PPHLN1: variants seen among roughly 807,000 people sequenced by gnomAD.
The protein encoded by PPHLN1 is periphilin-1.
Under a neutral mutation model 51.3 loss-of-function variants are expected in PPHLN1, and 29 were observed. That is an observed-to-expected ratio of 0.57 (90% confidence interval 0.42 to 0.77). PPHLN1 has a LOEUF of 0.77. Among genes scored for constraint, PPHLN1 ranks in the 30% least tolerant of loss-of-function variants. The pLI is 0.00. For synonymous variants in PPHLN1, 147 were observed against 147.8 expected (o/e 0.99, Z 0.04); for missense variants, 436 against 438.4 (o/e 0.99, Z 0.05).
chr12:42,327,063 T>C (rs1341473377), intron 1 of PPHLN1, among the ~76,000 whole-genome samples: 1 of 152,238 alleles, frequency 6.6e-6, no homozygotes, highest in African/African-American at 2.4e-5. Context: ...CTAGGCATAC[T>C]TGTGGCCAGC....
chr12:42,389,443 C>A (rs887655616), intron 7 of PPHLN1, among the ~76,000 whole-genome samples: 6 of 151,888 alleles, frequency 4.0e-5, no homozygotes, highest in Non-Finnish European at 8.8e-5. Context: ...GCCTGTAGTC[C>A]CAGGTACTTG....
chr12:42,386,074 G>A (rs888681115), intron 6 of PPHLN1, among the ~76,000 whole-genome samples: 3 of 152,228 alleles, frequency 2.0e-5, no homozygotes, highest in African/African-American at 7.2e-5. Context: ...CTCTAGGGCT[G>A]TATCGTTCTA....
At chr12:42,431,762 G>A in intron 9 of PPHLN1, 1 of 1,028,896 alleles carries the variant, frequency 9.7e-7, no homozygotes, top group Non-Finnish European at 1.5e-6. Flanking sequence ...GCTTAGAAAT[G>A]TCATTGCCAG....
At chr12:42,332,187 G>C (rs1278441141) in intron 1 of PPHLN1, among the ~76,000 whole-genome samples, 1 of 152,140 alleles carries the variant, frequency 6.6e-6, no homozygotes, top group Non-Finnish European at 1.5e-5. Flanking sequence ...CTGGGCAACA[G>C]AGTGAGACCT....
At chr12:42,407,332 T>A (rs1281937711) in intron 9 of PPHLN1, among the ~76,000 whole-genome samples, 1 of 152,218 alleles carries the variant, frequency 6.6e-6, no homozygotes, top group South Asian at 2.1e-4. Flanking sequence ...GTAGATTGAC[T>A]TCTGTGCTCA....
At chr12:42,349,403 G>GTTTTT (rs199541729) in intron 2 of PPHLN1, among the ~76,000 whole-genome samples, 48 of 151,714 alleles carry the variant, frequency 3.2e-4, no homozygotes, top group South Asian at 1.5e-3. Flanking sequence ...GTTTTGTTTT[G>GTTTTT]TTTTTTAAAT....
intron 7 of PPHLN1, among the ~76,000 whole-genome samples, chr12:42,392,093 G>C (rs1190181817): frequency 1.3e-5 from 2 of 152,132 alleles, no homozygotes; most frequent in African/African-American, 2.4e-5. Context: ...GTGCGCATTT[G>C]TACTGTTAGC....
chr12:42,440,234 G>T (rs2082831177), intron 9 of PPHLN1, among the ~76,000 whole-genome samples: 1 of 151,180 alleles, frequency 6.6e-6, no homozygotes, highest in Non-Finnish European at 1.5e-5. Flanking sequence ...TTTTTTTCCA[G>T]TGCTAATATA....
intron 2 of PPHLN1, among the ~76,000 whole-genome samples, chr12:42,338,589 G>A (rs941445487): frequency 6.6e-6 from 1 of 152,206 alleles, no homozygotes; most frequent in African/African-American, 2.4e-5. Flanking sequence ...AGAGTGTGGG[G>A]TTTCCAAGAT....
chr12:42,393,508 T>C, intron 7 of PPHLN1, 62 bp from the exon 8 acceptor site: 1 of 1,456,140 alleles, frequency 6.9e-7, no homozygotes, highest in Non-Finnish European at 9.2e-7. Flanking sequence ...AGTGTACTTC[T>C]TGGTGTATTT....
intron 4 of PPHLN1, among the ~76,000 whole-genome samples, chr12:42,372,617 TAG>T (rs1292209101): frequency 1.3e-5 from 2 of 152,182 alleles, no homozygotes; most frequent in African/African-American, 2.4e-5. Flanking sequence ...CTCTTCATGG[TAG>T]AGTTTTTTTA....
chr12:42,406,617 A>G (rs546336677), intron 9 of PPHLN1, among the ~76,000 whole-genome samples: 12 of 152,022 alleles, frequency 7.9e-5, no homozygotes, highest in African/African-American at 2.9e-4. Context: ...CATTTTTCTA[A>G]TTAGTTATCT....
Position 42,385,191 on chromosome 12 carries a change from G to A in PPHLN1, c.568+195G>A, listed in dbSNP as rs147149104. ...ATCTGGGCTAGCCATTCCTGGATGG[G>A]AATAGCCATTCTGTAGGAGGCTGAG... is the stretch of plus-strand genomic sequence containing the variant. On this transcript the variant is annotated intron_variant, in intron 6 of 9. Coordinates refer to ENST00000358314, the MANE Select transcript of PPHLN1 (RefSeq NM_201439.2). Among the ~76,000 whole-genome samples the A allele has an allele frequency of 6.5e-3, 996 of 152,336 alleles. 5 individuals are homozygous for A. Among genetic ancestry groups the A allele is most frequent in the Non-Finnish European group, 9.8e-3 (669 of 68,036 alleles).
At chr12:42,434,085 A>AT (rs1361411514) in intron 9 of PPHLN1, among the ~76,000 whole-genome samples, 1 of 152,210 alleles carries the variant, frequency 6.6e-6, no homozygotes, top group African/African-American at 2.4e-5. Flanking sequence ...CTTGCCCTAC[A>AT]TATCTCTTCT....
At chr12:42,367,010 C>G (rs1429542741) in intron 4 of PPHLN1, among the ~76,000 whole-genome samples, 2 of 152,118 alleles carry the variant, frequency 1.3e-5, no homozygotes, top group Non-Finnish European at 2.9e-5. Context: ...AAATACCTGG[C>G]TTTTTTAGGC....
downstream of PPHLN1, chr12:42,442,560 C>T (rs1402622980): frequency 1.8e-5 from 29 of 1,581,948 alleles, no homozygotes; most frequent in Non-Finnish European, 2.2e-5. Context: ...TTTTGGGCTG[C>T]GCTAAAGCCG....
chr12:42,403,358 C>T (rs897009595), intron 9 of PPHLN1, among the ~76,000 whole-genome samples: 5 of 152,076 alleles, frequency 3.3e-5, no homozygotes, highest in Admixed American at 2.6e-4. Flanking sequence ...TCTGGATTCC[C>T]AAAACAACTT....
Position 42,393,749 on chromosome 12 carries a change from A to T in PPHLN1, c.768+60A>T. On this transcript the variant is annotated intron_variant, in intron 8 of 9. Transcript: ENST00000358314. ...GAAAGTTTTGTCTGGATTTTAAATTATGGGCGAAAAATATTTGGTTTATTC... is the reference window on the plus strand; with the variant it reads ...GAAAGTTTTGTCTGGATTTTAAATTTTGGGCGAAAAATATTTGGTTTATTC... 2.7e-6 allele frequency: 4 copies of T among 1,483,640 alleles called. No individual in the cohort carries two copies. The South Asian group carries it at 5.4e-5, about 20-fold the overall frequency. 91.9% of individuals were successfully genotyped at this position (1,483,640 alleles called of 1,614,324 possible). A position where few individuals can be genotyped will look rare whatever the true frequency, so the allele number is the denominator to read the frequency against.
chr12:42,437,519 A>T (rs1349124537), intron 9 of PPHLN1, among the ~76,000 whole-genome samples: 2 of 152,084 alleles, frequency 1.3e-5, no homozygotes, highest in South Asian at 2.1e-4. Context: ...TGGGAAAAAA[A>T]TTTAATTTTA....
Sources: allele counts gnomAD v4.1 joint callset (sites outside exome capture counted in the v4.1 genomes callset), GRCh38; gene constraint gnomAD v4.1.1; transcripts MANE v1.5; gene names NCBI Gene and HGNC (gene_info 2026-07-23, HGNC 2026-07-21).